Variants in NFYA observed in about 807,000 individuals in gnomAD.
The protein encoded by NFYA is nuclear transcription factor Y subunit alpha.
Under a neutral mutation model 52.8 loss-of-function variants are expected in NFYA, and 28 were observed. The observed-to-expected ratio is 0.53, with a 90% CI of 0.39 to 0.73. NFYA has a LOEUF of 0.73. Among genes scored for constraint, NFYA ranks in the 30% least tolerant of loss-of-function variants. NFYA has a pLI of 0.00. For missense variants in NFYA, 234 were observed against 427.0 expected (o/e 0.55, Z 3.98); for synonymous variants, 150 against 150.7 (o/e 1.00, Z 0.03).
At position 41,099,052 on chromosome 6, in the gene NFYA, A is replaced by G. The variant is rs550211915; in HGVS notation, c.*1642A>G. 1 of 152,294 alleles carries G rather than the reference A, an allele frequency of 6.6e-6. No homozygotes were observed. Among genetic ancestry groups the G allele is most frequent in the South Asian group, 2.1e-4 (1 of 4,824 alleles). 9.4% of individuals were successfully genotyped at this position (152,294 alleles called of 1,614,324 possible). A position where few individuals can be genotyped will look rare whatever the true frequency, so the allele number is the denominator to read the frequency against. ...TAAGCCCTCTAAAAACACCACAAAG[A>G]GAGATGATTGTAATGATAGAAATAG... On this transcript the variant is annotated 3_prime_UTR_variant, in exon 10 of 10. Transcript: ENST00000341376.
chr6:41,087,213 T>G (rs1420359400), intron 4 of NFYA, among the ~76,000 whole-genome samples: 1 of 152,248 alleles, frequency 6.6e-6, no homozygotes, highest in Non-Finnish European at 1.5e-5. Context: ...GTTTACTTAT[T>G]TATTTGCCAA....
intron 4 of NFYA, among the ~76,000 whole-genome samples, chr6:41,088,755 T>C (rs1253636684): frequency 2.0e-5 from 3 of 151,970 alleles, no homozygotes; most frequent in Non-Finnish European, 4.4e-5. Context: ...TGGATAATTT[T>C]TGTATTTTTC....
chr6:41,079,451 A>C (rs1763848521), intron 2 of NFYA, among the ~76,000 whole-genome samples: 2 of 152,124 alleles, frequency 1.3e-5, no homozygotes, highest in African/African-American at 4.8e-5. Context: ...TCTGGATTCT[A>C]TTTGGTCTTT....
Position 41,089,677 on chromosome 6 carries a change from G to T in NFYA, c.408G>T (p.Gln136His), listed in dbSNP as rs1764149595. The T allele has an allele frequency of 6.2e-7, 1 of 1,612,566 alleles. No homozygotes were observed. Among genetic ancestry groups the T allele is most frequent in the South Asian group, 1.1e-5 (1 of 91,006 alleles). The change falls in exon 5 of 10, where the codon CAG becomes CAT. Residue 136 changes from glutamine (Q) to histidine (H), a missense_variant. Physicochemically the swap from Gln to His is conservative, Grantham distance 24 (BLOSUM62 0). Around this residue, in one of 3 missense-constraint regions of NFYA, gnomAD observed 118 missense variants for 182.4 expected, o/e 0.65. Transcript: ENST00000341376. ...QGQTQQIIIQ[Q>H]PQTAVTAGQT... ...AGACCCAGCAGATCATCATCCAGCA[G>T]CCCCAGACGGCTGTCACTGCTGGCC...
chr6:41,089,820 A>T, intron 5 of NFYA, 110 bp downstream of exon 5: 1 of 1,445,408 alleles, frequency 6.9e-7, no homozygotes, highest in Non-Finnish European at 9.3e-7. Flanking sequence ...GATGAAAACC[A>T]TAAAAAAATA....
At chr6:41,092,309 T>C (rs1764216809) in intron 7 of NFYA, among the ~76,000 whole-genome samples, 1 of 152,208 alleles carries the variant, frequency 6.6e-6, no homozygotes, top group Non-Finnish European at 1.5e-5. Context: ...GGAGGATGGC[T>C]TAAGTCCAGG....
Position 41,097,443 on chromosome 6 carries a change from A to T in NFYA, c.*33A>T. 6.2e-7 allele frequency: 1 copy of T among 1,608,236 alleles called. No individual in the cohort carries two copies. The highest frequency in any genetic ancestry group is 1.3e-5 in the African/African-American group (1 of 74,918). On this transcript the variant is annotated 3_prime_UTR_variant, in exon 10 of 10. Transcript: ENST00000341376. Reference sequence around the variant, plus strand: ...CCATGTGATGGAGCTGATCAAGGTCATGTTTCTCACTGTTCCAGGAAATTG... The same window carrying T: ...CCATGTGATGGAGCTGATCAAGGTCTTGTTTCTCACTGTTCCAGGAAATTG...
At chr6:41,086,482 C>T (rs765958999) in intron 4 of NFYA, among the ~76,000 whole-genome samples, 6 of 152,110 alleles carry the variant, frequency 3.9e-5, no homozygotes, top group Non-Finnish European at 8.8e-5. Context: ...TCCATAGCCT[C>T]CCTTACAATA....
intron 4 of NFYA, 140 bp downstream of exon 4, chr6:41,084,332 T>TA (rs1763984371): frequency 2.0e-6 from 2 of 983,912 alleles, no homozygotes; most frequent in Admixed American, 5.5e-5. Context: ...TTTCTGCCTT[T>TA]ATAGTACCAG....
intron 5 of NFYA, among the ~76,000 whole-genome samples, 183 bp downstream of exon 5, chr6:41,089,893 G>A (rs983892022): frequency 1.3e-5 from 2 of 152,200 alleles, no homozygotes; most frequent in Admixed American, 6.5e-5. Context: ...GCCGAGGCAA[G>A]CTGATCACAA....
At chr6:41,077,843 C>G (rs1343127047) in intron 1 of NFYA, among the ~76,000 whole-genome samples, 1 of 152,174 alleles carries the variant, frequency 6.6e-6, no homozygotes, top group Non-Finnish European at 1.5e-5. Context: ...GCCACAAGTC[C>G]TCTTGCTGTG....
intron 9 of NFYA, among the ~76,000 whole-genome samples, chr6:41,094,885 G>GA (rs1764304925): frequency 6.6e-6 from 1 of 152,150 alleles, no homozygotes; most frequent in Admixed American, 6.5e-5. Context: ...ATTCTTTCTT[G>GA]AAAATCACAC....
intron 4 of NFYA, among the ~76,000 whole-genome samples, chr6:41,089,345 A>G (rs577605515): frequency 9.8e-5 from 15 of 152,330 alleles, no homozygotes; most frequent in African/African-American, 3.4e-4. Context: ...GCTATCTTTC[A>G]TAAAAACCGA....
chr6:41,100,978 T>C lies in NFYA; in HGVS notation c.*3568T>C, dbSNP rs1276988823. On this transcript the variant is annotated 3_prime_UTR_variant, in exon 10 of 10. Transcript: ENST00000341376. Reference sequence around the variant, plus strand: ...AATAGAGCCTGCTAGGCGGATTGGCTGCTACGCGGCTGGGCCCTGTTTCCG... The same window carrying C: ...AATAGAGCCTGCTAGGCGGATTGGCCGCTACGCGGCTGGGCCCTGTTTCCG... The C allele has an allele frequency of 1.3e-5, 2 of 152,204 alleles. No homozygotes were observed. Among genetic ancestry groups the C allele is most frequent in the Admixed American group, 6.5e-5 (1 of 15,274 alleles). 9.4% of individuals were successfully genotyped at this position (152,204 alleles called of 1,614,324 possible).
At chr6:41,077,249 C>A (rs780106110) in intron 1 of NFYA, among the ~76,000 whole-genome samples, 6 of 152,084 alleles carry the variant, frequency 3.9e-5, no homozygotes, top group Non-Finnish European at 5.9e-5. Context: ...ACTTTAGAAA[C>A]AAAGTATAAT....
At chr6:41,087,328 C>T (rs998218529) in intron 4 of NFYA, among the ~76,000 whole-genome samples, 6 of 152,194 alleles carry the variant, frequency 3.9e-5, no homozygotes, top group Non-Finnish European at 8.8e-5. Flanking sequence ...GTCTCTAAGA[C>T]ATGGAACCCA....
In NFYA at chr6:41,080,916, C is replaced by T; in HGVS notation, c.162+19C>T. 6.3e-7 allele frequency: 1 copy of T among 1,599,626 alleles called. No individual in the cohort carries two copies. The highest frequency in any genetic ancestry group is 8.6e-7 in the Non-Finnish European group (1 of 1,166,992). On this transcript the variant is annotated intron_variant, in intron 3 of 9. Coordinates refer to ENST00000341376, the MANE Select transcript of NFYA (RefSeq NM_002505.5). ...CCAGGTAGTGGTACCCTCTCTGATT[C>T]TCTGTGAGCACTGCATGAACTTCTC...
chr6:41,100,797 C>T lies in NFYA; in HGVS notation c.*3387C>T, dbSNP rs1561859385. Among the ~76,000 whole-genome samples the T allele has an allele frequency of 6.6e-6, 1 of 152,190 alleles. No homozygotes were observed. The highest frequency in any genetic ancestry group is 2.4e-5 in the African/African-American group (1 of 41,458). ...TTCCAGTAGAAAAGACAGCTTTGCT[C>T]CTTTGAAAGCGCAGACCGCCGCACC... On this transcript the variant is annotated 3_prime_UTR_variant, in exon 10 of 10. Transcript: ENST00000341376.
intron 3 of NFYA, among the ~76,000 whole-genome samples, chr6:41,082,463 A>G (rs1373213066): frequency 6.6e-6 from 1 of 152,226 alleles, no homozygotes; most frequent in Non-Finnish European, 1.5e-5. Context: ...TCTGTTGTAA[A>G]TACAGTGAGC....
Sources: gnomAD v4.1 joint callset for allele counts (sites outside exome capture counted in the v4.1 genomes callset) on GRCh38, gnomAD v4.1.1 for gene constraint, gnomAD v4.1.1 regional missense constraint, MANE v1.5 for transcripts, NCBI Gene and HGNC (gene_info 2026-07-23, HGNC 2026-07-21) for gene names.